The following ABHD12 variants were observed in gnomAD, a reference collection of about 807,000 sequenced individuals.
ABHD12 encodes the protein abhydrolase domain containing 12, lysophospholipase.
Under a neutral mutation model 58.3 loss-of-function variants are expected in ABHD12, and 43 were observed. That is an observed-to-expected ratio of 0.74 (90% confidence interval 0.58 to 0.95). The LOEUF (loss-of-function observed/expected upper bound fraction) is 0.95, where lower values mean the gene tolerates loss of function less well. Among genes scored for constraint, ABHD12 ranks in the 40% least tolerant of loss-of-function variants. ABHD12 has a pLI of 0.00. For missense variants in ABHD12, 539 were observed against 537.2 expected (o/e 1.00, Z -0.03); for synonymous variants, 219 against 211.2 (o/e 1.04, Z -0.32).
rs1202966183 is a variant in ABHD12, at chr20:25,359,441, AAAAAC to A, written c.192-20095_192-20091del. Reference sequence around the variant, plus strand: ...TCCGTCTCAAAAAAAAAAAAAAAAAAAAAACATTTCTATTTCACTGTTTCTTCTAT... The same window carrying A: ...TCCGTCTCAAAAAAAAAAAAAAAAAAATTTCTATTTCACTGTTTCTTCTAT... On this transcript the variant is annotated intron_variant, in intron 1 of 12. Coordinates refer to ENST00000339157, the MANE Select transcript of ABHD12 (RefSeq NM_001042472.3). 6.0e-4 allele frequency among the ~76,000 whole-genome samples: 32 copies of A among 52,896 alleles called. 1 individual carries two copies. Among genetic ancestry groups the A allele is most frequent in the African/African-American group, 1.1e-3 (24 of 22,428 alleles). The allele number at this position is 52,896 out of a possible 152,430, so 34.7% of individuals were successfully genotyped here.
chr20:25,329,228 C>A (rs1274335095), intron 2 of ABHD12, among the ~76,000 whole-genome samples: 2 of 152,226 alleles, frequency 1.3e-5, no homozygotes. Flanking sequence ...AGTGCTAAGC[C>A]CTGTGGCAGC....
chr20:25,340,043 C>G (rs1238357770), intron 1 of ABHD12, among the ~76,000 whole-genome samples: 3 of 152,188 alleles, frequency 2.0e-5, no homozygotes, highest in Non-Finnish European at 4.4e-5. Context: ...TATCTCTAAC[C>G]CGGTGATTCT....
chr20:25,379,387 G>A (rs1160091196), intron 1 of ABHD12, among the ~76,000 whole-genome samples: 1 of 152,296 alleles, frequency 6.6e-6, no homozygotes, highest in East Asian at 1.9e-4. Flanking sequence ...AGATGGCCTT[G>A]CTGCTTATTT....
chr20:25,310,320 T>C (rs2088825577), intron 6 of ABHD12: 1 of 152,296 alleles, frequency 6.6e-6, no homozygotes, highest in African/African-American at 2.4e-5. Context: ...AAAGGGGCTG[T>C]TTCCCCTTAG....
chr20:25,312,546 C>A (rs1204412281), intron 6 of ABHD12, among the ~76,000 whole-genome samples: 1 of 152,234 alleles, frequency 6.6e-6, no homozygotes, highest in Non-Finnish European at 1.5e-5. Context: ...CACCTCCCAG[C>A]CGCCTGCTTT....
intron 1 of ABHD12, among the ~76,000 whole-genome samples, chr20:25,351,019 A>T (rs1033731206): frequency 3.3e-5 from 5 of 150,012 alleles, no homozygotes; most frequent in African/African-American, 1.2e-4. Context: ...ACCCTTATTA[A>T]GCTGGTATAT....
chr20:25,320,156 G>A (rs963600557), intron 4 of ABHD12, 43 bp downstream of exon 4: 8 of 1,611,226 alleles, frequency 5.0e-6, no homozygotes, highest in Non-Finnish European at 6.8e-6. Context: ...CCCCAAAAAG[G>A]AGCCATGCTC....
At chr20:25,335,135 A>C (rs528273582) in intron 2 of ABHD12, among the ~76,000 whole-genome samples, 21 of 152,234 alleles carry the variant, frequency 1.4e-4, no homozygotes, top group Admixed American at 9.8e-4. Flanking sequence ...CCCATCAAAA[A>C]GTGGGCGAAG....
intron 1 of ABHD12, among the ~76,000 whole-genome samples, chr20:25,377,540 A>G (rs1480878381): frequency 6.6e-6 from 1 of 152,098 alleles, no homozygotes; most frequent in African/African-American, 2.4e-5. Flanking sequence ...GGTAATGGGG[A>G]TCAGAGGAGA....
At chr20:25,380,906 C>T (rs2090014607) in intron 1 of ABHD12, among the ~76,000 whole-genome samples, 1 of 152,210 alleles carries the variant, frequency 6.6e-6, no homozygotes, top group African/African-American at 2.4e-5. Context: ...CTTCTCCTGC[C>T]CCAAAGCACT....
At chr20:25,298,661 T>C (rs1023884229), downstream of ABHD12, among the ~76,000 whole-genome samples, 4 of 152,254 alleles carry the variant, frequency 2.6e-5, no homozygotes, top group Non-Finnish European at 4.4e-5. Flanking sequence ...TGACTTGTGC[T>C]GGTCCCTTTG....
At chr20:25,362,350 C>T (rs143631816) in intron 1 of ABHD12, among the ~76,000 whole-genome samples, 246 of 151,502 alleles carry the variant, frequency 1.6e-3, no homozygotes, top group African/African-American at 5.5e-3. Flanking sequence ...GGGTGGATAA[C>T]GAGGTCAGGA....
chr20:25,386,026 G>A (rs1178706277), intron 1 of ABHD12, among the ~76,000 whole-genome samples: 5 of 151,608 alleles, frequency 3.3e-5, no homozygotes, highest in Admixed American at 6.6e-5. Flanking sequence ...GCGTGAACCC[G>A]GGAGGCAAAG....
chr20:25,356,500 C>G (rs541961340), intron 1 of ABHD12, among the ~76,000 whole-genome samples: 1 of 152,360 alleles, frequency 6.6e-6, no homozygotes, highest in East Asian at 1.9e-4. Context: ...CCTTGCTGAA[C>G]AGCAGCTGGG....
chr20:25,371,660 A>C (rs183352066), intron 1 of ABHD12, among the ~76,000 whole-genome samples: 5 of 152,212 alleles, frequency 3.3e-5, no homozygotes, highest in Non-Finnish European at 7.3e-5. Context: ...CTCAGGGTTC[A>C]ATCATTATAC....
chr20:25,363,221 C>CT (rs541419840), intron 1 of ABHD12, among the ~76,000 whole-genome samples: 1,580 of 133,488 alleles, frequency 0.012, 20 homozygotes, highest in African/African-American at 0.023. Flanking sequence ...TGACATTTTA[C>CT]TTTTTTTTTT....
Position 25,300,762 on chromosome 20 carries a change from CG to C in ABHD12, c.*82del. On this transcript the variant is annotated 3_prime_UTR_variant, in exon 13 of 13. Transcript: ENST00000339157. Reference sequence around the variant, plus strand: ...CTGAGCATTGCAGGTGCCGGCCCCCCGGGGCTTCAGGATACCGGGCTGCTGA... The same window carrying C: ...CTGAGCATTGCAGGTGCCGGCCCCCCGGGCTTCAGGATACCGGGCTGCTGA... 6.2e-7 allele frequency: 1 copy of C among 1,609,104 alleles called. No individual in the cohort carries two copies. Among genetic ancestry groups the C allele is most frequent in the Non-Finnish European group, 8.5e-7 (1 of 1,178,128 alleles).
intron 1 of ABHD12, among the ~76,000 whole-genome samples, chr20:25,375,225 CGA>C (rs1212833815): frequency 6.6e-6 from 1 of 152,156 alleles, no homozygotes; most frequent in African/African-American, 2.4e-5. Context: ...CCTCTGGAAT[CGA>C]GAGAAAATAA....
chr20:25,380,033 T>C (rs1015266422), intron 1 of ABHD12, among the ~76,000 whole-genome samples: 2 of 152,146 alleles, frequency 1.3e-5, no homozygotes, highest in African/African-American at 4.8e-5. Flanking sequence ...CTTGTAACGA[T>C]GCTTTTGAAA....
Sources: gnomAD v4.1 joint callset for allele counts (sites outside exome capture counted in the v4.1 genomes callset) on GRCh38, gnomAD v4.1.1 for gene constraint, MANE v1.5 for transcripts, NCBI Gene and HGNC (gene_info 2026-07-23, HGNC 2026-07-21) for gene names.